The following BRI3BP variants were observed in gnomAD, a reference collection of about 807,000 sequenced individuals.
BRI3BP encodes BRI3-binding protein.
Under a neutral mutation model 15.8 loss-of-function variants are expected in BRI3BP, and 7 were observed. That is an observed-to-expected ratio of 0.44 (90% CI 0.25 to 0.83). The LOEUF (loss-of-function observed/expected upper bound fraction) is 0.83. Among genes scored for constraint, BRI3BP ranks in the 40% least tolerant of loss-of-function variants. The probability of loss-of-function intolerance (pLI) is 0.20; values close to 1 mark genes in which losing one functional copy is unlikely to be tolerated. For missense variants in BRI3BP, 320 were observed against 339.3 expected, an observed-to-expected ratio of 0.94 and a Z score of 0.45; for synonymous variants, 192 against 163.5, an observed-to-expected ratio of 1.17 and a Z score of -1.33.
At chr12:125,017,194 A>ATT (rs552937858) in intron 2 of BRI3BP, among the ~76,000 whole-genome samples, 1 of 145,642 alleles carries the variant, frequency 6.9e-6, no homozygotes, top group Non-Finnish European at 1.5e-5. Flanking sequence ...TAATTTTTGT[A>ATT]TTTTTTTTTA....
At chr12:125,032,679 T>G (rs1955414771), downstream of BRI3BP, among the ~76,000 whole-genome samples, 1 of 151,968 alleles carries the variant, frequency 6.6e-6, no homozygotes, top group African/African-American at 2.4e-5. Flanking sequence ...GAGGCTGACG[T>G]GGGAGGATCG....
chr12:125,006,886 T>C (rs1320671185), intron 1 of BRI3BP, among the ~76,000 whole-genome samples: 3 of 152,124 alleles, frequency 2.0e-5, no homozygotes, highest in Admixed American at 6.6e-5. Context: ...TTTCCCTCCA[T>C]TTGAACAAAT....
downstream of BRI3BP, among the ~76,000 whole-genome samples, chr12:125,034,068 C>T (rs559998194): frequency 8.2e-4 from 120 of 146,196 alleles, no homozygotes; most frequent in African/African-American, 2.8e-3. Context: ...TGGTTTGAGG[C>T]GGAGTTTCAC....
intron 2 of BRI3BP, among the ~76,000 whole-genome samples, chr12:125,018,079 C>T (rs1955262851): frequency 6.6e-6 from 1 of 152,116 alleles, no homozygotes; most frequent in Non-Finnish European, 1.5e-5. Context: ...TCAAAATGTA[C>T]ATCACTGTGC....
At chr12:125,047,298 G>A in the BRI3BP span, among the ~76,000 whole-genome samples, 4 of 151,694 alleles carry the variant, frequency 2.6e-5, no homozygotes, top group South Asian at 4.2e-4. Context: ...ACAGGAGCCC[G>A]CCACCACGCC....
At chr12:125,032,096 A>G (rs1955410173), downstream of BRI3BP, among the ~76,000 whole-genome samples, 1 of 152,154 alleles carries the variant, frequency 6.6e-6, no homozygotes, top group Non-Finnish European at 1.5e-5. Context: ...AATGACAGTA[A>G]CAGCGTGGGG....
At chr12:125,005,855 C>A (rs529503396) in intron 1 of BRI3BP, among the ~76,000 whole-genome samples, 103 of 152,118 alleles carry the variant, frequency 6.8e-4, no homozygotes, top group Middle Eastern at 6.8e-3. Context: ...TGCCTCCAGG[C>A]TTTGGGCTTC....
the BRI3BP span, among the ~76,000 whole-genome samples, chr12:125,047,118 T>C: frequency 6.6e-6 from 1 of 152,156 alleles, no homozygotes; most frequent in South Asian, 2.1e-4. Context: ...AAAACAGGGA[T>C]TTATAGCGTA....
downstream of BRI3BP, among the ~76,000 whole-genome samples, chr12:125,032,433 G>A (rs755576223): frequency 5.9e-5 from 9 of 151,802 alleles, no homozygotes; most frequent in Non-Finnish European, 1.2e-4. Flanking sequence ...ACTCCAGCCT[G>A]GGCGACAGAG....
chr12:125,030,557 T>C lies in BRI3BP; in HGVS notation c.*5127T>C, dbSNP rs1955398661. The C allele has an allele frequency of 6.6e-6, 1 of 152,368 alleles. No individual in the cohort carries two copies. The highest frequency in any genetic ancestry group is 1.5e-5 in the Non-Finnish European group (1 of 68,048). The allele number at this position is 152,368 out of a possible 1,614,324, so 9.4% of individuals were successfully genotyped here. On this transcript the variant is annotated 3_prime_UTR_variant, in exon 3 of 3. Transcript: ENST00000341446. ...TAGGAGGTGCACCAGTACCAGTTTT[T>C]CTCTTGTGGTGGCTTAAAACGCTGA... is the stretch of plus-strand genomic sequence containing the variant.
chr12:125,019,331 A>G (rs1239442250), intron 2 of BRI3BP, among the ~76,000 whole-genome samples: 2 of 152,036 alleles, frequency 1.3e-5, no homozygotes, highest in African/African-American at 4.8e-5. Context: ...CACTGAAGTC[A>G]CCGAGAGGTG....
At chr12:125,044,134 T>C in the BRI3BP span, among the ~76,000 whole-genome samples, 2 of 151,988 alleles carry the variant, frequency 1.3e-5, 1 homozygote, top group Admixed American at 1.3e-4. Flanking sequence ...TAGGGTCTTT[T>C]TTGTTTTTGT....
the BRI3BP span, among the ~76,000 whole-genome samples, chr12:125,040,432 A>G: frequency 6.7e-6 from 1 of 148,544 alleles, no homozygotes; most frequent in Non-Finnish European, 1.5e-5. Flanking sequence ...GCAACCTCCA[A>G]CTCCTGGGTT....
intron 2 of BRI3BP, among the ~76,000 whole-genome samples, chr12:125,016,896 G>A (rs368690847): frequency 4.5e-5 from 6 of 133,980 alleles, no homozygotes; most frequent in East Asian, 2.3e-4. Context: ...GTGCAGTGGT[G>A]CAATCCCAGC....
chr12:125,011,692 T>G (rs1233318145), intron 1 of BRI3BP, among the ~76,000 whole-genome samples: 2 of 152,012 alleles, frequency 1.3e-5, no homozygotes, highest in Non-Finnish European at 2.9e-5. Context: ...GGCTTGAGTT[T>G]TATGCTACAT....
chr12:125,006,177 T>G (rs1955142193), intron 1 of BRI3BP, among the ~76,000 whole-genome samples: 1 of 151,774 alleles, frequency 6.6e-6, no homozygotes, highest in South Asian at 2.1e-4. Context: ...AGTCCCATTC[T>G]GAGGTCCTAG....
chr12:125,041,021 G>T, the BRI3BP span, among the ~76,000 whole-genome samples: 6 of 144,444 alleles, frequency 4.2e-5, no homozygotes, highest in East Asian at 1.3e-3. Flanking sequence ...ATGAGCCACC[G>T]TGCCTGGCCT....
intron 1 of BRI3BP, among the ~76,000 whole-genome samples, chr12:125,002,495 TTGCCAGGCTGGAGTGCAG>T (rs1403273538): frequency 6.6e-6 from 1 of 151,046 alleles, no homozygotes; most frequent in Non-Finnish European, 1.5e-5. Context: ...TCTCGCTCTG[TTGCCAGGCTGGAGTGCAG>T]TGGCACAATC....
the BRI3BP span, among the ~76,000 whole-genome samples, chr12:125,050,265 G>A: frequency 6.6e-6 from 1 of 151,582 alleles, no homozygotes; most frequent in Non-Finnish European, 1.5e-5. Context: ...CAGGAAAATC[G>A]CTTAAACCCG....
Sources: gnomAD v4.1 joint callset for allele counts (sites outside exome capture counted in the v4.1 genomes callset) on GRCh38, gnomAD v4.1.1 for gene constraint, MANE v1.5 for transcripts, NCBI Gene and HGNC (gene_info 2026-07-23, HGNC 2026-07-21) for gene names.